Variants in NRXN3 observed in about 807,000 individuals in gnomAD.
NRXN3 encodes the protein neurexin 3, also known as neurexin III.
A neutral mutation model predicts 137.6 loss-of-function variants in NRXN3; 32 were observed. The observed-to-expected ratio is 0.23, with a 90% CI of 0.18 to 0.31. NRXN3 has a LOEUF of 0.31. Ranked by LOEUF, NRXN3 falls within the 10% of genes least tolerant of loss-of-function variation. NRXN3 has a pLI of 1.00. For synonymous variants in NRXN3, 798 were observed against 784.5 expected (o/e 1.02, Z -0.29); for missense variants, 1,574 against 2,062.5 (o/e 0.76, Z 4.59).
At chr14:79,382,668 A>G (rs1216537727) in intron 15 of NRXN3, among the ~76,000 whole-genome samples, 1 of 152,194 alleles carries the variant, frequency 6.6e-6, no homozygotes, top group Non-Finnish European at 1.5e-5. Context: ...CCTCTGCAAA[A>G]AGATACAAAG....
At chr14:78,314,485 CCTT>C (rs1254819619) in intron 4 of NRXN3, among the ~76,000 whole-genome samples, 2 of 152,106 alleles carry the variant, frequency 1.3e-5, no homozygotes, top group Non-Finnish European at 2.9e-5. Context: ...GGAGCCTTGT[CCTT>C]CTTTGCAGTC....
intron 15 of NRXN3, among the ~76,000 whole-genome samples, chr14:79,294,531 A>T (rs1032907727): frequency 2.0e-5 from 3 of 152,068 alleles, no homozygotes; most frequent in African/African-American, 7.2e-5. Context: ...TATTTATTCC[A>T]TTTTTTTAAG....
intron 4 of NRXN3, among the ~76,000 whole-genome samples, chr14:78,569,619 A>G (rs572642119): frequency 9.2e-5 from 14 of 152,054 alleles, no homozygotes; most frequent in Admixed American, 7.9e-4. Context: ...GCTGGAGTGC[A>G]GTGGCACAAT....
chr14:78,319,463 C>G (rs947566686), intron 4 of NRXN3, among the ~76,000 whole-genome samples: 1 of 152,184 alleles, frequency 6.6e-6, no homozygotes, highest in African/African-American at 2.4e-5. Flanking sequence ...AACAAATCAT[C>G]ACCATGAGGA....
chr14:78,741,235 G>C (rs924231770), intron 8 of NRXN3, among the ~76,000 whole-genome samples: 1 of 152,124 alleles, frequency 6.6e-6, no homozygotes. Context: ...CATGCTGAAG[G>C]CTCCTAGAGT....
chr14:78,785,356 A>C (rs1208805096), intron 8 of NRXN3, among the ~76,000 whole-genome samples: 1 of 152,166 alleles, frequency 6.6e-6, no homozygotes, highest in Non-Finnish European at 1.5e-5. Context: ...GGCACAAATT[A>C]ATGCTATGTA....
At chr14:78,261,245 A>G (rs981244166) in intron 2 of NRXN3, among the ~76,000 whole-genome samples, 3 of 152,132 alleles carry the variant, frequency 2.0e-5, no homozygotes, top group Non-Finnish European at 4.4e-5. Context: ...GCATGCAAAG[A>G]CACTGCCAGT....
intron 8 of NRXN3, among the ~76,000 whole-genome samples, chr14:78,748,040 C>T (rs973152498): frequency 6.6e-6 from 1 of 152,188 alleles, no homozygotes; most frequent in Admixed American, 6.6e-5. Flanking sequence ...GGAAGATACA[C>T]ATGAGGGGTA....
intron 19 of NRXN3, among the ~76,000 whole-genome samples, chr14:79,780,075 G>A (rs2099109137): frequency 6.6e-6 from 1 of 151,730 alleles, no homozygotes; most frequent in Non-Finnish European, 1.5e-5. Context: ...ATTTTCATAA[G>A]AGGATCCACA....
intron 15 of NRXN3, among the ~76,000 whole-genome samples, chr14:79,282,760 C>T (rs1316363128): frequency 6.6e-6 from 1 of 152,190 alleles, no homozygotes; most frequent in Non-Finnish European, 1.5e-5. Context: ...CATCCAGGGT[C>T]TGGCATGGCT....
intron 4 of NRXN3, among the ~76,000 whole-genome samples, chr14:78,474,689 A>G (rs891509438): frequency 2.6e-5 from 4 of 152,228 alleles, no homozygotes; most frequent in Non-Finnish European, 5.9e-5. Context: ...TATTAGTTCA[A>G]GAAAGTGCAG....
intron 15 of NRXN3, among the ~76,000 whole-genome samples, chr14:79,293,524 C>T (rs1304805784): frequency 2.0e-5 from 3 of 152,248 alleles, no homozygotes; most frequent in Non-Finnish European, 4.4e-5. Flanking sequence ...CTTTCAGCTT[C>T]GCTGTTTAGT....
At chr14:78,969,818 T>A (rs2099430493) in intron 14 of NRXN3, among the ~76,000 whole-genome samples, 1 of 107,222 alleles carries the variant, frequency 9.3e-6, no homozygotes. Context: ...CTATGTAGTG[T>A]GTGTGTGTGT....
rs77995099 is a variant in NRXN3, at chr14:78,768,360, A to G, written c.2045-35260A>G. Among the ~76,000 whole-genome samples, 536 of 152,284 alleles carry G rather than the reference A, an allele frequency of 3.5e-3. 17 individuals are homozygous for G. In the East Asian group the frequency reaches 0.061, roughly 17 times the overall value. ...TTGGGCTCAATTTAAGTTAGAGAAAAACAAAATTCATGCACATGAGAGAGT... is the reference window on the plus strand; with the variant it reads ...TTGGGCTCAATTTAAGTTAGAGAAAGACAAAATTCATGCACATGAGAGAGT... On this transcript the variant is annotated intron_variant, in intron 8 of 20. Coordinates refer to ENST00000335750, the MANE Select transcript of NRXN3 (RefSeq NM_001330195.2).
intron 20 of NRXN3, among the ~76,000 whole-genome samples, chr14:79,810,901 G>A (rs1010848215): frequency 2.0e-5 from 3 of 152,208 alleles, no homozygotes; most frequent in African/African-American, 7.2e-5. Context: ...ACAAGTAAAT[G>A]TGCTGATTGT....
chr14:78,855,252 A>G (rs2099053976), intron 10 of NRXN3, among the ~76,000 whole-genome samples: 1 of 152,000 alleles, frequency 6.6e-6, no homozygotes, highest in Non-Finnish European at 1.5e-5. Flanking sequence ...AGTGACTTTT[A>G]TGTTTTTCTA....
At chr14:79,657,177 C>T (rs985421111) in intron 16 of NRXN3, among the ~76,000 whole-genome samples, 3 of 152,248 alleles carry the variant, frequency 2.0e-5, no homozygotes, top group South Asian at 2.1e-4. Flanking sequence ...CTCTTGTCTT[C>T]GTTATCGTTT....
At chr14:79,218,024 C>T (rs2153230842) in intron 15 of NRXN3, among the ~76,000 whole-genome samples, 1 of 152,286 alleles carries the variant, frequency 6.6e-6, no homozygotes, top group Middle Eastern at 3.4e-3. Context: ...AAAGCCCACA[C>T]ACCAATATCC....
At chr14:78,870,471 A>G (rs1488048740) in intron 10 of NRXN3, among the ~76,000 whole-genome samples, 1 of 152,170 alleles carries the variant, frequency 6.6e-6, no homozygotes, top group African/African-American at 2.4e-5. Context: ...TAATGATCAA[A>G]TCAGGGTAAT....
Sources: gnomAD v4.1 joint callset for allele counts (sites outside exome capture counted in the v4.1 genomes callset) on GRCh38, gnomAD v4.1.1 for gene constraint, MANE v1.5 for transcripts, NCBI Gene and HGNC (gene_info 2026-07-23, HGNC 2026-07-21) for gene names.